Variants in BID observed in about 807,000 individuals in gnomAD.
The protein encoded by BID is BH3-interacting domain death agonist.
In BID, 19 loss-of-function variants were observed where a neutral mutation model predicts 17.4. The observed-to-expected ratio is 1.09, with a 90% confidence interval of 0.76 to 1.60. The LOEUF is 1.60. BID is among the 40% of genes most tolerant of loss of function. BID has a pLI of 0.00. For synonymous variants in BID, 108 were observed against 102.8 expected (o/e 1.05, Z -0.31); for missense variants, 226 against 256.0 (o/e 0.88, Z 0.80).
chr22:17,739,652 A>G, intron 3 of BID, 164 bp from the exon 4 acceptor site: 1 of 942,166 alleles, frequency 1.1e-6, no homozygotes, highest in Admixed American at 2.7e-5. Flanking sequence ...GGGCGGGCTG[A>G]GTACCAGCGC....
At chr22:17,746,187 G>A (rs932743299) in intron 2 of BID, among the ~76,000 whole-genome samples, 10 of 150,990 alleles carry the variant, frequency 6.6e-5, no homozygotes, top group Non-Finnish European at 1.2e-4. Flanking sequence ...CCATGGACAC[G>A]AAGATGGAGA....
chr22:17,748,284 C>A (rs1218318309), intron 2 of BID, among the ~76,000 whole-genome samples: 5 of 149,848 alleles, frequency 3.3e-5, no homozygotes, highest in Admixed American at 2.0e-4. Flanking sequence ...CCCAGACGGG[C>A]GGATCACGAG....
chr22:17,747,849 G>A (rs1014182496), intron 2 of BID, among the ~76,000 whole-genome samples: 7 of 151,198 alleles, frequency 4.6e-5, no homozygotes, highest in African/African-American at 1.7e-4. Flanking sequence ...AAGCCGAGGC[G>A]GGCGGATCAT....
chr22:17,750,295 A>G, intron 1 of BID, 121 bp from the exon 2 acceptor site: 1 of 792,184 alleles, frequency 1.3e-6, no homozygotes, highest in Non-Finnish European at 2.1e-6. Context: ...TCCTGGCCTG[A>G]GCCCCGCATC....
Position 17,773,479 on chromosome 22 carries a change from C to A in BID, c.-59+902G>T. 2.2e-6 allele frequency: 2 copies of A among 929,300 alleles called. No homozygotes were observed. The highest frequency in any genetic ancestry group is 3.4e-6 in the Non-Finnish European group (2 of 594,492). The allele number at this position is 929,300 out of a possible 1,614,324, so 57.6% of individuals were successfully genotyped here. On this transcript the variant is annotated intron_variant, in intron 1 of 5. Transcript: ENST00000622694. This position sits in a 1 kb window ranked among gnomAD's most constrained non-coding sequence, Gnocchi z 4.4. ...GAGGACTGAGGGTGTGGATAAGGCT[C>A]CAGGAAGGGGGTGCAAGCCTGAGAA...
intron 1 of BID, among the ~76,000 whole-genome samples, chr22:17,766,780 C>G (rs971645408): frequency 6.6e-6 from 1 of 150,502 alleles, no homozygotes; most frequent in Admixed American, 6.6e-5. Flanking sequence ...TTAGTGGACA[C>G]GGGGTTTCAC....
At chr22:17,766,676 G>A (rs919375288) in intron 1 of BID, among the ~76,000 whole-genome samples, 6 of 151,796 alleles carry the variant, frequency 4.0e-5, no homozygotes, top group East Asian at 2.0e-4. Flanking sequence ...TGCAACCTCC[G>A]CAGCCTGGGT....
chr22:17,760,115 CAG>C (rs2061625654), intron 1 of BID, among the ~76,000 whole-genome samples: 1 of 121,582 alleles, frequency 8.2e-6, no homozygotes, highest in Admixed American at 1.1e-4. Flanking sequence ...GCCTGGGCGA[CAG>C]AGTGAGACTC....
intron 1 of BID, among the ~76,000 whole-genome samples, chr22:17,755,799 CAAAA>C (rs72491085): frequency 1.2e-4 from 16 of 135,892 alleles, no homozygotes; most frequent in East Asian, 2.2e-4. Context: ...AACTCCGTCT[CAAAA>C]AAAAAAAAAA....
chr22:17,764,147 C>T (rs1357196728), intron 1 of BID: 5 of 154,628 alleles, frequency 3.2e-5, no homozygotes, highest in Non-Finnish European at 5.9e-5. Flanking sequence ...GGACCATGGG[C>T]AAGTCAACTC....
At chr22:17,762,084 G>C (rs1037992726) in intron 1 of BID, among the ~76,000 whole-genome samples, 1 of 151,898 alleles carries the variant, frequency 6.6e-6, no homozygotes, top group Admixed American at 6.6e-5. Context: ...GGGGCTGAGC[G>C]AAAGAGATAC....
At chr22:17,768,116 C>T (rs2268785) in intron 1 of BID, among the ~76,000 whole-genome samples, 40,718 of 152,118 alleles carry the variant, frequency 0.27, 10,056 homozygotes, top group African/African-American at 0.64. Context: ...GCCAGGGCTG[C>T]GGAGCAGCCA....
chr22:17,759,868 C>T lies in BID; in HGVS notation c.-58-9694G>A, dbSNP rs893211112. On this transcript the variant is annotated intron_variant, in intron 1 of 5. Transcript: ENST00000622694. ...ATCATTTAAAAATGTTTCGGCCGGG[C>T]GAGGTGGCTCACGCCTGTAATCCCA... 7.9e-5 allele frequency among the ~76,000 whole-genome samples: 12 copies of T among 151,908 alleles called. 1 individual carries two copies. In the South Asian group the frequency reaches 2.5e-3, roughly 32 times the overall value.
At chr22:17,744,798 G>A (rs8190307) in intron 2 of BID, among the ~76,000 whole-genome samples, 5,544 of 152,280 alleles carry the variant, frequency 0.036, 158 homozygotes, top group East Asian at 0.085. Flanking sequence ...AGGCAAAGGT[G>A]AGCCCTGCAG....
rs552391088 is a variant in BID at position 17,762,778 on chromosome 22, C to G, written c.-59+11603G>C. Among the ~76,000 whole-genome samples the G allele has an allele frequency of 9.3e-4, 141 of 152,138 alleles. 2 individuals carry two copies. The highest frequency in any genetic ancestry group is 1.7e-3 in the South Asian group (8 of 4,826). Reference sequence around the variant, plus strand: ...ATATAGGGATAAAAGCCTACTTAATCAAACGCTTTTTGGTTCCTCAATAAT... The same window carrying G: ...ATATAGGGATAAAAGCCTACTTAATGAAACGCTTTTTGGTTCCTCAATAAT... On this transcript the variant is annotated intron_variant, in intron 1 of 5. Coordinates refer to ENST00000622694, the MANE Select transcript of BID (RefSeq NM_001196.4).
At chr22:17,751,233 G>C (rs1337170611) in intron 1 of BID, among the ~76,000 whole-genome samples, 1 of 151,700 alleles carries the variant, frequency 6.6e-6, no homozygotes, top group African/African-American at 2.4e-5. Flanking sequence ...TTAGCCGGGC[G>C]CGGTGGCGGG....
intron 1 of BID, among the ~76,000 whole-genome samples, chr22:17,751,759 G>C (rs1387235532): frequency 6.6e-6 from 1 of 152,224 alleles, no homozygotes; most frequent in Non-Finnish European, 1.5e-5. Flanking sequence ...AACCCTGGCT[G>C]TGTGTGGCCG....
At chr22:17,755,089 T>C (rs557576551) in intron 1 of BID, among the ~76,000 whole-genome samples, 37 of 144,136 alleles carry the variant, frequency 2.6e-4, no homozygotes, top group African/African-American at 8.5e-4. Context: ...TTTCTTTTTT[T>C]TTTTTTTTTT....
intron 1 of BID, among the ~76,000 whole-genome samples, chr22:17,771,616 C>G (rs1030228689): frequency 9.2e-5 from 14 of 152,186 alleles, no homozygotes; most frequent in African/African-American, 3.1e-4. Context: ...AAATGCCAAC[C>G]AAGAATTCAA....
Sources: allele counts gnomAD v4.1 joint callset (sites outside exome capture counted in the v4.1 genomes callset), GRCh38; gene constraint gnomAD v4.1.1; non-coding constraint Gnocchi (gnomAD v3.1); transcripts MANE v1.5; gene names NCBI Gene and HGNC (gene_info 2026-07-23, HGNC 2026-07-21).